STK33: variants seen among roughly 807,000 people sequenced by gnomAD.
The protein encoded by STK33 is serine/threonine-protein kinase 33.
In STK33, 52 loss-of-function variants were observed where a neutral mutation model predicts 58.0. The observed-to-expected ratio is 0.90, with a 90% CI of 0.72 to 1.13. The LOEUF (loss-of-function observed/expected upper bound fraction) is 1.13. Among genes scored for constraint, STK33 ranks in the 50% most tolerant of loss-of-function variants. STK33 has a pLI of 0.00. For synonymous variants in STK33, 215 were observed against 200.1 expected (o/e 1.07, Z -0.63); for missense variants, 630 against 604.2 (o/e 1.04, Z -0.45).
chr11:8,476,421 T>A (rs1949279700), intron 4 of STK33, among the ~76,000 whole-genome samples: 1 of 152,234 alleles, frequency 6.6e-6, no homozygotes, highest in African/African-American at 2.4e-5. Flanking sequence ...ATTTTGCCTA[T>A]ACGGTCCCAA....
At chr11:8,450,405 G>T (rs1430222034) in intron 11 of STK33, among the ~76,000 whole-genome samples, 1 of 152,040 alleles carries the variant, frequency 6.6e-6, no homozygotes. Context: ...GGGGCCTGTT[G>T]GGGGGTTGGG....
At chr11:8,374,025 C>T in the STK33 span, among the ~76,000 whole-genome samples, 15 of 152,360 alleles carry the variant, frequency 9.8e-5, no homozygotes, top group South Asian at 2.9e-3. Flanking sequence ...TATGTAAGCG[C>T]CAAAGTTATT....
intron 1 of STK33, among the ~76,000 whole-genome samples, chr11:8,499,841 G>A (rs561211960): frequency 1.4e-3 from 207 of 152,108 alleles, no homozygotes; most frequent in African/African-American, 4.8e-3. Context: ...AACACCACAT[G>A]TTCTCACTCA....
At chr11:8,583,399 C>T (rs958294030) in intron 1 of STK33, among the ~76,000 whole-genome samples, 5 of 152,138 alleles carry the variant, frequency 3.3e-5, no homozygotes, top group Non-Finnish European at 5.9e-5. Flanking sequence ...TAACATTACT[C>T]ATGAGAAAGC....
At chr11:8,429,718 G>A (rs1039747649) in intron 14 of STK33, among the ~76,000 whole-genome samples, 1 of 152,034 alleles carries the variant, frequency 6.6e-6, no homozygotes, top group African/African-American at 2.4e-5. Context: ...CTCACTAACT[G>A]ATAGAGTCTC....
intron 1 of STK33, among the ~76,000 whole-genome samples, chr11:8,557,270 G>C: frequency 1.0e-5 from 1 of 99,632 alleles, no homozygotes; most frequent in Non-Finnish European, 2.2e-5. Flanking sequence ...GGGAGGGGAG[G>C]GGAGGGGAGG....
intron 14 of STK33, among the ~76,000 whole-genome samples, chr11:8,414,156 T>C (rs1350253243): frequency 6.6e-6 from 1 of 152,182 alleles, no homozygotes; most frequent in Non-Finnish European, 1.5e-5. Context: ...TCAAGCACTG[T>C]GTCTAAGAAT....
the STK33 span, among the ~76,000 whole-genome samples, chr11:8,379,861 T>C: frequency 6.6e-6 from 1 of 152,198 alleles, no homozygotes; most frequent in Non-Finnish European, 1.5e-5. Flanking sequence ...CTCCCACTTA[T>C]AAGTGAGGAC....
At chr11:8,374,958 A>G in the STK33 span, among the ~76,000 whole-genome samples, 11 of 152,198 alleles carry the variant, frequency 7.2e-5, no homozygotes, top group Admixed American at 7.2e-4. Context: ...TTGGCAGGGA[A>G]GTATAGTTCC....
chr11:8,566,566 T>C (rs916476145), intron 1 of STK33, among the ~76,000 whole-genome samples: 1 of 152,228 alleles, frequency 6.6e-6, no homozygotes, highest in African/African-American at 2.4e-5. Flanking sequence ...TAGCATCTCA[T>C]AGGATATCTT....
chr11:8,387,439 G>C (rs1848559512), downstream of STK33, among the ~76,000 whole-genome samples: 1 of 152,158 alleles, frequency 6.6e-6, no homozygotes, highest in Admixed American at 6.5e-5. Flanking sequence ...TTAAGACCTT[G>C]GTTCTTAATC....
At chr11:8,381,629 G>C in the STK33 span, among the ~76,000 whole-genome samples, 1 of 152,144 alleles carries the variant, frequency 6.6e-6, no homozygotes, top group Non-Finnish European at 1.5e-5. Context: ...CTGGCTTCTG[G>C]TCTAGTGAGC....
At position 8,482,258 on chromosome 11, in the gene STK33, G is replaced by A. The variant is rs114259297; in HGVS notation, c.-465-1644C>T. ...GCAAAACAGGAAAGAAGAGAAGAGTGCATGTGGCACCAGAACTACCCAATA... is the reference window on the plus strand; with the variant it reads ...GCAAAACAGGAAAGAAGAGAAGAGTACATGTGGCACCAGAACTACCCAATA... On this transcript the variant is annotated intron_variant, in intron 1 of 15. Coordinates refer to ENST00000687296, the MANE Select transcript of STK33 (RefSeq NM_001352389.2). Among the ~76,000 whole-genome samples, 467 of 152,262 alleles carry A rather than the reference G, an allele frequency of 3.1e-3. 4 individuals are homozygous for A. The highest frequency in any genetic ancestry group is 0.011 in the African/African-American group (451 of 41,556).
chr11:8,583,353 A>G (rs1248149561), intron 1 of STK33, among the ~76,000 whole-genome samples: 1 of 152,230 alleles, frequency 6.6e-6, no homozygotes, highest in African/African-American at 2.4e-5. Flanking sequence ...AAAAAATGGC[A>G]TCTAGTACTA....
In STK33 at chr11:8,396,903, C is replaced by T. The variant is rs569683432; in HGVS notation, c.1345-4193G>A. Among the ~76,000 whole-genome samples, 502 of 152,300 alleles carry T rather than the reference C, an allele frequency of 3.3e-3. 1 individual carries two copies. Among genetic ancestry groups the T allele is most frequent in the African/African-American group, 0.01 (433 of 41,560 alleles). On this transcript the variant is annotated intron_variant, in intron 15 of 15. Transcript: ENST00000687296. ...CTGAGATCAAACTGCAAGGCTGCAA[C>T]GAGGCTGGGAGAGGGGCGCCCGCCA... is the stretch of plus-strand genomic sequence containing the variant.
At chr11:8,575,115 A>C (rs1958088344) in intron 1 of STK33, among the ~76,000 whole-genome samples, 1 of 152,182 alleles carries the variant, frequency 6.6e-6, no homozygotes, top group African/African-American at 2.4e-5. Context: ...GTTGGTGAGG[A>C]TGTGGAAAAA....
At chr11:8,448,813 C>T (rs1181308495) in intron 11 of STK33, among the ~76,000 whole-genome samples, 2 of 152,114 alleles carry the variant, frequency 1.3e-5, no homozygotes, top group African/African-American at 2.4e-5. Flanking sequence ...AGCTTCTGCA[C>T]AGCAAAAGAA....
intron 14 of STK33, among the ~76,000 whole-genome samples, chr11:8,434,717 G>A (rs1331320887): frequency 6.6e-6 from 1 of 152,076 alleles, no homozygotes; most frequent in Admixed American, 6.6e-5. Context: ...GCATCTACCA[G>A]GAAAGAGGAA....
intron 14 of STK33, among the ~76,000 whole-genome samples, chr11:8,430,690 C>T (rs902696675): frequency 1.8e-4 from 28 of 151,892 alleles, no homozygotes; most frequent in Admixed American, 1.8e-3. Context: ...TGTTTTAAAC[C>T]CTCTACTAGG....
Sources: allele counts gnomAD v4.1 joint callset (sites outside exome capture counted in the v4.1 genomes callset), GRCh38; gene constraint gnomAD v4.1.1; transcripts MANE v1.5; gene names NCBI Gene and HGNC (gene_info 2026-07-23, HGNC 2026-07-21).